DNAI7: variants seen among roughly 807,000 people sequenced by gnomAD.
DNAI7 encodes cancer susceptibility 1.
DNAI7 carries 78 observed loss-of-function variants against 86.6 expected under a neutral mutation model. The ratio of observed to expected loss-of-function variants is 0.90; its 90% CI spans 0.75 to 1.09. The LOEUF is 1.09. Ranked by LOEUF, DNAI7 falls within the 50% of genes least tolerant of loss-of-function variation. The pLI, the probability that DNAI7 is intolerant of heterozygous loss-of-function variation, is 0.00. For missense variants in DNAI7, 753 were observed against 810.2 expected (o/e 0.93, Z 0.86); for synonymous variants, 274 against 273.0 (o/e 1.00, Z -0.04).
At chr12:25,119,053 A>G (rs1461763811) in intron 12 of DNAI7, 92 bp downstream of exon 12, 11 of 968,188 alleles carry the variant, frequency 1.1e-5, no homozygotes, top group Non-Finnish European at 1.6e-5. Flanking sequence ...TATGTAAGAT[A>G]GTAAGCTCAG....
chr12:25,163,422 A>AC lies in DNAI7; in HGVS notation c.22-2226dup, dbSNP rs528893597. On this transcript the variant is annotated intron_variant, in intron 2 of 15. Transcript: ENST00000395987. ...AAGCTCTCCTACTGAGCACCTTGTG[A>AC]CCCCCCACTCCTGCCTGCCAGAGAA... Among the ~76,000 whole-genome samples the AC allele has an allele frequency of 4.0e-5, 6 of 151,756 alleles. 1 individual carries two copies. Among genetic ancestry groups the AC allele is most frequent in the African/African-American group, 1.2e-4 (5 of 41,350 alleles).
Position 25,154,459 on chromosome 12 carries a change from G to A in DNAI7, c.301-3C>T, listed in dbSNP as rs1364188749. On this transcript the variant is annotated splice_polypyrimidine_tract_variant and splice_region_variant and intron_variant, in intron 5 of 15. Coordinates refer to ENST00000395987, the MANE Select transcript of DNAI7 (RefSeq NM_018272.5). Reference sequence around the variant, plus strand: ...TCACATTGAATGTAGTGCTTCCACTGTGGAATAAAAATGTTTAAAGGTTCA... The same window carrying A: ...TCACATTGAATGTAGTGCTTCCACTATGGAATAAAAATGTTTAAAGGTTCA... 12 of 1,601,504 alleles carry A rather than the reference G, an allele frequency of 7.5e-6. No homozygotes were observed. Among genetic ancestry groups the A allele is most frequent in the African/African-American group, 1.3e-5 (1 of 74,196 alleles).
intron 2 of DNAI7, among the ~76,000 whole-genome samples, chr12:25,173,925 A>C (rs578149997): frequency 1.9e-4 from 2 of 10,472 alleles, no homozygotes; most frequent in Admixed American, 7.5e-4. Context: ...GAATATATAT[A>C]TCATATATAA....
downstream of DNAI7, chr12:25,108,130 T>G: frequency 3.3e-6 from 5 of 1,531,594 alleles, no homozygotes; most frequent in East Asian, 1.1e-4. Context: ...AATTAGTAAC[T>G]TTTAGCTGGG....
chr12:25,152,052 A>T (rs898758398), intron 6 of DNAI7, among the ~76,000 whole-genome samples: 5 of 152,234 alleles, frequency 3.3e-5, no homozygotes, highest in Admixed American at 6.6e-5. Context: ...AGTGTGTTTA[A>T]GTGTGAATGT....
intron 4 of DNAI7, among the ~76,000 whole-genome samples, chr12:25,155,869 G>A (rs1250828049): frequency 1.6e-4 from 25 of 152,206 alleles, no homozygotes; most frequent in Admixed American, 1.6e-3. Context: ...CAGCACTTTG[G>A]GAGGCTGAGG....
chr12:25,120,317 G>GGAGAGAGGGAGAGAGAGAGA (rs1941028941), intron 11 of DNAI7, among the ~76,000 whole-genome samples: 2 of 80,766 alleles, frequency 2.5e-5, no homozygotes, highest in Non-Finnish European at 5.7e-5. Flanking sequence ...GCAGGAAGAG[G>GGAGAGAGGGAGAGAGAGAGA]GAGAGAGAGA....
intron 2 of DNAI7, among the ~76,000 whole-genome samples, chr12:25,189,452 CCAA>C (rs1950312304): frequency 6.6e-6 from 1 of 152,058 alleles, no homozygotes; most frequent in African/African-American, 2.4e-5. Flanking sequence ...ACCAGCCTGG[CCAA>C]CAAAGTGAAA....
At position 25,147,118 on chromosome 12, in the gene DNAI7, A is replaced by G. The variant is rs1388154276; in HGVS notation, c.586-14T>C. ...AGTACTAGCTTGCTGTAAGAGAAAA[A>G]GAAAACATTATAAAGGGCCACAGGC... On this transcript the variant is annotated splice_polypyrimidine_tract_variant and intron_variant, in intron 7 of 15. Coordinates refer to ENST00000395987, the MANE Select transcript of DNAI7 (RefSeq NM_018272.5). 4 of 1,374,058 alleles carry G rather than the reference A, an allele frequency of 2.9e-6. No individual in the cohort carries two copies. In the African/African-American group the frequency reaches 4.3e-5, roughly 15 times the overall value. 85.1% of individuals were successfully genotyped at this position (1,374,058 alleles called of 1,614,324 possible).
At chr12:25,180,914 C>A (rs1180004938) in intron 2 of DNAI7, among the ~76,000 whole-genome samples, 6 of 152,136 alleles carry the variant, frequency 3.9e-5, no homozygotes, top group Non-Finnish European at 7.4e-5. Context: ...TCAAGAGATT[C>A]TCCTGCTTCA....
At chr12:25,124,948 G>A (rs1941904751) in intron 9 of DNAI7, among the ~76,000 whole-genome samples, 1 of 152,096 alleles carries the variant, frequency 6.6e-6, no homozygotes, top group African/African-American at 2.4e-5. Context: ...CAAAAGACAC[G>A]ATCTCATTCT....
intron 9 of DNAI7, among the ~76,000 whole-genome samples, chr12:25,139,865 T>A (rs949241166): frequency 4.6e-5 from 7 of 152,154 alleles, no homozygotes; most frequent in Admixed American, 1.3e-4. Flanking sequence ...ATACATTTTT[T>A]AAAAAAGATA....
At chr12:25,159,114 C>T (rs1023842778) in intron 3 of DNAI7, among the ~76,000 whole-genome samples, 5 of 152,170 alleles carry the variant, frequency 3.3e-5, no homozygotes, top group African/African-American at 1.2e-4. Flanking sequence ...ATAAATCATG[C>T]TACTATAAAG....
At chr12:25,111,035 T>C (rs1938715795) in intron 14 of DNAI7, among the ~76,000 whole-genome samples, 2 of 152,234 alleles carry the variant, frequency 1.3e-5, no homozygotes, top group East Asian at 1.9e-4. Context: ...CCTATGCATA[T>C]ATGTACATAC....
intron 2 of DNAI7, among the ~76,000 whole-genome samples, chr12:25,169,008 C>T (rs895945065): frequency 6.6e-6 from 1 of 152,162 alleles, no homozygotes; most frequent in Non-Finnish European, 1.5e-5. Flanking sequence ...TGAGAAACAT[C>T]GCCCATTATC....
At chr12:25,163,788 C>T (rs1283748159) in intron 2 of DNAI7, among the ~76,000 whole-genome samples, 1 of 152,202 alleles carries the variant, frequency 6.6e-6, no homozygotes, top group South Asian at 2.1e-4. Context: ...CCTCTTTTTA[C>T]TCTCTTCTCC....
intron 9 of DNAI7, among the ~76,000 whole-genome samples, chr12:25,142,138 T>C (rs951561282): frequency 1.3e-5 from 2 of 152,178 alleles, no homozygotes; most frequent in Admixed American, 1.3e-4. Flanking sequence ...AAATGAGGTA[T>C]ATGTGTACCA....
intron 9 of DNAI7, among the ~76,000 whole-genome samples, chr12:25,124,032 TTGTGTGTGTGTG>T (rs57454187): frequency 7.9e-4 from 115 of 144,678 alleles, no homozygotes; most frequent in African/African-American, 2.7e-3. Flanking sequence ...AGTATAAAAA[TTGTGTGTGTGTG>T]TGTGTGTGTG....
intron 2 of DNAI7, among the ~76,000 whole-genome samples, chr12:25,190,190 CCCA>C (rs1391987096): frequency 6.6e-6 from 1 of 152,034 alleles, no homozygotes; most frequent in Non-Finnish European, 1.5e-5. Context: ...TACAAAAAAA[CCCA>C]CCAAGTATGT....
Sources: allele counts gnomAD v4.1 joint callset (sites outside exome capture counted in the v4.1 genomes callset), GRCh38; gene constraint gnomAD v4.1.1; transcripts MANE v1.5; gene names NCBI Gene and HGNC (gene_info 2026-07-23, HGNC 2026-07-21).